Variants in THSD7B observed in about 807,000 individuals in gnomAD.
THSD7B encodes thrombospondin type-1 domain-containing protein 7B.
In THSD7B, 138 loss-of-function variants were observed where a neutral mutation model predicts 213.6. The ratio of observed to expected loss-of-function variants is 0.65; its 90% CI spans 0.56 to 0.74. THSD7B has a LOEUF of 0.74. THSD7B is among the 30% of genes least tolerant of loss of function. The probability of loss-of-function intolerance (pLI) is 0.00; values close to 1 mark genes in which losing one functional copy is unlikely to be tolerated. For synonymous variants in THSD7B, 742 were observed against 687.0 expected (o/e 1.08, Z -1.25); for missense variants, 1,931 against 1,991.5 (o/e 0.97, Z 0.58).
intron 14 of THSD7B, among the ~76,000 whole-genome samples, chr2:137,440,829 C>G (rs560071604): frequency 6.6e-6 from 1 of 151,996 alleles, no homozygotes; most frequent in Admixed American, 6.6e-5. Flanking sequence ...TCTTTAGGAA[C>G]CCTGGGAGAT....
At chr2:137,634,267 T>C (rs1413797110) in intron 20 of THSD7B, among the ~76,000 whole-genome samples, 1 of 152,114 alleles carries the variant, frequency 6.6e-6, no homozygotes, top group Non-Finnish European at 1.5e-5. Context: ...GTGCATAAAC[T>C]TTGGAAATTT....
Position 137,268,692 on chromosome 2 carries a change from C to T in THSD7B, c.2267-3841C>T, listed in dbSNP as rs182441798. Among the ~76,000 whole-genome samples the T allele has an allele frequency of 8.5e-4, 130 of 152,170 alleles. 1 individual carries two copies. Among genetic ancestry groups the T allele is most frequent in the African/African-American group, 2.7e-3 (113 of 41,520 alleles). On this transcript the variant is annotated intron_variant, in intron 10 of 27. Coordinates refer to ENST00000409968, the MANE Select transcript of THSD7B (RefSeq NM_001316349.2). Reference sequence around the variant, plus strand: ...CATTTTATCAGCAAGGTCTTTATGACCTGTATCTTATGCTGACCTCCTATC... The same window carrying T: ...CATTTTATCAGCAAGGTCTTTATGATCTGTATCTTATGCTGACCTCCTATC...
chr2:137,429,769 A>C (rs1293169023), intron 14 of THSD7B, among the ~76,000 whole-genome samples: 2 of 152,138 alleles, frequency 1.3e-5, no homozygotes, highest in Non-Finnish European at 1.5e-5. Context: ...TAGGTGATAG[A>C]AGACTAGGTT....
chr2:137,213,542 A>G (rs1490827040), intron 7 of THSD7B, among the ~76,000 whole-genome samples: 1 of 149,842 alleles, frequency 6.7e-6, no homozygotes, highest in Non-Finnish European at 1.5e-5. Flanking sequence ...ATGATATGGT[A>G]TATGTAATTT....
chr2:137,004,711 AT>A (rs2104828251), intron 2 of THSD7B, among the ~76,000 whole-genome samples: 1 of 152,304 alleles, frequency 6.6e-6, no homozygotes, highest in East Asian at 1.9e-4. Flanking sequence ...TCAGATAGCT[AT>A]TGGACATTTT....
At chr2:136,826,179 A>G (rs1682644497) in intron 1 of THSD7B, among the ~76,000 whole-genome samples, 1 of 152,158 alleles carries the variant, frequency 6.6e-6, no homozygotes, top group Non-Finnish European at 1.5e-5. Flanking sequence ...ATAATGATTG[A>G]ATTGGACTCT....
chr2:137,090,897 A>G (rs1262024269), intron 3 of THSD7B, among the ~76,000 whole-genome samples: 1 of 152,180 alleles, frequency 6.6e-6, no homozygotes, highest in Non-Finnish European at 1.5e-5. Flanking sequence ...TTAAGATCGT[A>G]ATAATATATC....
intron 12 of THSD7B, among the ~76,000 whole-genome samples, chr2:137,297,643 C>T (rs1683498145): frequency 6.6e-6 from 1 of 151,978 alleles, no homozygotes; most frequent in Non-Finnish European, 1.5e-5. Context: ...CCCAGAATTC[C>T]CATGTGTTGT....
chr2:137,041,501 C>T (rs2104862207), intron 2 of THSD7B, among the ~76,000 whole-genome samples: 1 of 151,146 alleles, frequency 6.6e-6, no homozygotes, highest in South Asian at 2.1e-4. Flanking sequence ...TATATTATAT[C>T]TAATATAGTT....
chr2:137,002,260 G>C (rs966137051), intron 2 of THSD7B, among the ~76,000 whole-genome samples: 4 of 152,040 alleles, frequency 2.6e-5, no homozygotes, highest in Non-Finnish European at 5.9e-5. Flanking sequence ...ACCTCCTCAT[G>C]GGTGTTTCTC....
intron 1 of THSD7B, among the ~76,000 whole-genome samples, chr2:136,778,883 G>A (rs889729899): frequency 2.0e-5 from 3 of 152,098 alleles, no homozygotes; most frequent in Non-Finnish European, 4.4e-5. Context: ...CAGCTCTAAG[G>A]TAAGGGAGGA....
intron 2 of THSD7B, among the ~76,000 whole-genome samples, chr2:136,947,967 A>G (rs1684972391): frequency 6.6e-6 from 1 of 152,172 alleles, no homozygotes; most frequent in Non-Finnish European, 1.5e-5. Context: ...CTCGTCTACC[A>G]TGGCTGTCAC....
intron 15 of THSD7B, among the ~76,000 whole-genome samples, chr2:137,540,595 T>A (rs1003310752): frequency 6.6e-6 from 1 of 151,718 alleles, no homozygotes; most frequent in Non-Finnish European, 1.5e-5. Flanking sequence ...TTGTTTGAAC[T>A]GTCCAGTGTT....
chr2:136,980,608 A>C (rs772215871), intron 2 of THSD7B, among the ~76,000 whole-genome samples: 10 of 152,088 alleles, frequency 6.6e-5, no homozygotes, highest in Non-Finnish European at 1.2e-4. Context: ...GACAGGGGAA[A>C]ATGGCTGAAA....
chr2:137,329,858 G>A (rs975711647), intron 12 of THSD7B, among the ~76,000 whole-genome samples: 5 of 152,252 alleles, frequency 3.3e-5, no homozygotes, highest in Middle Eastern at 6.8e-3. Context: ...CTGTCTCTAG[G>A]GCACGTCAGA....
At chr2:137,508,054 G>A (rs1313471533) in intron 15 of THSD7B, among the ~76,000 whole-genome samples, 1 of 151,920 alleles carries the variant, frequency 6.6e-6, no homozygotes, top group Non-Finnish European at 1.5e-5. Context: ...GTAATAAAAA[G>A]TTAGTATTTG....
chr2:137,368,753 G>A (rs1253459274), intron 12 of THSD7B, among the ~76,000 whole-genome samples: 1 of 152,078 alleles, frequency 6.6e-6, no homozygotes, highest in African/African-American at 2.4e-5. Flanking sequence ...AAAAGACTGT[G>A]TTGAATTTTA....
In THSD7B at chr2:137,575,742, A is replaced by ATATATATATTTT. The variant is rs1235744133; in HGVS notation, c.3423+3187_3423+3188insATATATATTTTT. On this transcript the variant is annotated intron_variant, in intron 17 of 27. Coordinates refer to ENST00000409968, the MANE Select transcript of THSD7B (RefSeq NM_001316349.2). ...ATAACACACATATATATATATATAT[A>ATATATATATTTT]TTTTTACTTTAACATGCTTACTTTT... Among the ~76,000 whole-genome samples, 19 of 147,322 alleles carry ATATATATATTTT rather than the reference A, an allele frequency of 1.3e-4. 1 individual carries two copies. The highest frequency in any genetic ancestry group is 3.0e-5 in the Non-Finnish European group (2 of 66,226).
At chr2:137,658,006 C>T (rs1215478306) in intron 24 of THSD7B, among the ~76,000 whole-genome samples, 1 of 152,168 alleles carries the variant, frequency 6.6e-6, no homozygotes, top group Non-Finnish European at 1.5e-5. Context: ...CCACCACGCC[C>T]GGCCAATTTT....
Sources: allele counts gnomAD v4.1 joint callset (sites outside exome capture counted in the v4.1 genomes callset), GRCh38; gene constraint gnomAD v4.1.1; transcripts MANE v1.5; gene names NCBI Gene and HGNC (gene_info 2026-07-23, HGNC 2026-07-21).